Variants in NIPSNAP3A observed in about 807,000 individuals in gnomAD.
NIPSNAP3A encodes protein NipSnap homolog 3A.
Under a neutral mutation model 32.3 loss-of-function variants are expected in NIPSNAP3A, and 27 were observed. The observed-to-expected ratio is 0.84, with a 90% CI of 0.62 to 1.15. The LOEUF (loss-of-function observed/expected upper bound fraction) is 1.15. Ranked by LOEUF, NIPSNAP3A falls within the 50% of genes most tolerant of loss-of-function variation. The probability of loss-of-function intolerance (pLI) is 0.00; values close to 1 mark genes in which losing one functional copy is unlikely to be tolerated. For missense variants in NIPSNAP3A, 278 were observed against 297.2 expected (o/e 0.94, Z 0.48); for synonymous variants, 108 against 107.3 (o/e 1.01, Z -0.04).
In NIPSNAP3A at chr9:104,747,863, C is replaced by T; in HGVS notation, c.60+11C>T. ...ACGCTGGCGCCTCAGGTACCGGCCACGGGGGTACCCAAGCCTTCACCCGAC... is the reference window on the plus strand; with the variant it reads ...ACGCTGGCGCCTCAGGTACCGGCCATGGGGGTACCCAAGCCTTCACCCGAC... On this transcript the variant is annotated intron_variant, in intron 1 of 5. Transcript: ENST00000374767. 1 of 1,599,502 alleles carries T rather than the reference C, an allele frequency of 6.3e-7. No individual in the cohort carries two copies. The highest frequency in any genetic ancestry group is 1.7e-5 in the Admixed American group (1 of 59,298).
intron 4 of NIPSNAP3A, among the ~76,000 whole-genome samples, chr9:104,757,122 ATTAAGT>A (rs1451148545): frequency 6.6e-6 from 1 of 152,186 alleles, no homozygotes; most frequent in East Asian, 1.9e-4. Context: ...TACTGCACAT[ATTAAGT>A]TTTATTTTTT....
At chr9:104,754,094 G>A (rs1219214928) in intron 3 of NIPSNAP3A, 1 of 154,986 alleles carries the variant, frequency 6.5e-6, no homozygotes, top group African/African-American at 2.4e-5. Context: ...TGCTGTTCCT[G>A]TTAAAAATGG....
In NIPSNAP3A at chr9:104,750,962, T is replaced by C; in HGVS notation, c.67T>C (p.Ser23Pro). The change falls in exon 2 of 6, where the codon TCA becomes CCA. Residue 23 changes from serine to proline, a missense_variant. Physicochemically the swap from Ser to Pro is moderately conservative, Grantham distance 74. Coordinates refer to ENST00000374767, the MANE Select transcript of NIPSNAP3A (RefSeq NM_015469.3). ...ASRTLAPQMCSSFATGPRQYD... is the reference protein window; with the variant it reads ...ASRTLAPQMCPSFATGPRQYD... The stretch of plus-strand genomic sequence containing the variant: ...TTTGTCTTATCTTCTTCAGATGTGC[T>C]CATCTTTTGCTACGGGACCCAGACA... 4 of 1,610,932 alleles carry C rather than the reference T, an allele frequency of 2.5e-6. No individual in the cohort carries two copies. The highest frequency in any genetic ancestry group is 3.4e-6 in the Non-Finnish European group (4 of 1,177,076).
chr9:104,758,988 A>C (rs1196622315), intron 4 of NIPSNAP3A, 97 bp from the exon 5 acceptor site: 4 of 1,095,140 alleles, frequency 3.7e-6, no homozygotes, highest in Admixed American at 2.7e-5. Flanking sequence ...AAAAAAAAAA[A>C]AAAAAAAAGA....
At chr9:104,750,502 A>C (rs1827835086) in intron 1 of NIPSNAP3A, among the ~76,000 whole-genome samples, 1 of 152,208 alleles carries the variant, frequency 6.6e-6, no homozygotes, top group African/African-American at 2.4e-5. Flanking sequence ...CCCTTCAGCT[A>C]TGACAAGAAA....
Position 104,759,144 on chromosome 9 carries a change from C to A in NIPSNAP3A, c.640C>A (p.His214Asn). The A allele has an allele frequency of 6.2e-7, 1 of 1,613,490 alleles. No homozygotes were observed. The highest frequency in any genetic ancestry group is 1.7e-5 in the Admixed American group (1 of 59,940). Residue 214 changes from histidine (H) to asparagine (N), a missense_variant, in exon 5 of 6, where the codon CAT becomes AAT. Transcript: ENST00000374767. ...DSRAAGRHKS[H>N]EDPRVVAAVR... is the part of the protein sequence containing the mutation. The stretch of plus-strand genomic sequence containing the variant: ...TCGTGCAGCTGGGAGACATAAGTCC[C>A]ATGAGGATCCCAGAGTTGTGGCAGC...
chr9:104,759,134 A>G lies in NIPSNAP3A; in HGVS notation c.630A>G (p.Arg210=), dbSNP rs149973419. The part of the protein sequence containing the change: ...NESADSRAAG[R]HKSHEDPRVV... ...GTGCAGATAGTCGTGCAGCTGGGAG[A>G]CATAAGTCCCATGAGGATCCCAGAG... Residue 210 remains arginine, a synonymous_variant, in exon 5 of 6, where the codon AGA becomes AGG. Coordinates refer to ENST00000374767, the MANE Select transcript of NIPSNAP3A (RefSeq NM_015469.3). 1,619 of 1,613,476 alleles carry G rather than the reference A, an allele frequency of 1.0e-3. 14 individuals are homozygous for G. In the African/African-American group the frequency reaches 0.019, roughly 19 times the overall value.
chr9:104,759,661 A>T lies in NIPSNAP3A; in HGVS notation c.*323A>T, dbSNP rs1174550091. The T allele has an allele frequency of 1.3e-5, 3 of 239,848 alleles. No homozygotes were observed. In the East Asian group the frequency reaches 3.0e-4, roughly 24 times the overall value. 14.9% of individuals were successfully genotyped at this position (239,848 alleles called of 1,614,324 possible). On this transcript the variant is annotated 3_prime_UTR_variant, in exon 6 of 6. Coordinates refer to ENST00000374767, the MANE Select transcript of NIPSNAP3A (RefSeq NM_015469.3). ...TCTTTGCTTTATAGCATTTTGTTGT[A>T]TTCAAATGATAATGGTAGCATTTCC...
chr9:104,759,856 A>G lies in NIPSNAP3A; in HGVS notation c.*518A>G, dbSNP rs1175911742. On this transcript the variant is annotated 3_prime_UTR_variant, in exon 6 of 6. Coordinates refer to ENST00000374767, the MANE Select transcript of NIPSNAP3A (RefSeq NM_015469.3). ...CTTTACTATGGAAAACCACATTGTCATTTGTGACATCATCTATATTAAATA... is the reference window on the plus strand; with the variant it reads ...CTTTACTATGGAAAACCACATTGTCGTTTGTGACATCATCTATATTAAATA... The G allele has an allele frequency of 1.3e-5, 2 of 154,722 alleles. No homozygotes were observed. Among genetic ancestry groups the G allele is most frequent in the East Asian group, 1.9e-4 (1 of 5,232 alleles). 9.6% of individuals were successfully genotyped at this position (154,722 alleles called of 1,614,324 possible).
chr9:104,758,442 T>G (rs1190771285), intron 4 of NIPSNAP3A, among the ~76,000 whole-genome samples: 3 of 152,178 alleles, frequency 2.0e-5, no homozygotes, highest in Non-Finnish European at 4.4e-5. Context: ...TTTTTAAAAA[T>G]CAAGGGAAAA....
intron 4 of NIPSNAP3A, among the ~76,000 whole-genome samples, chr9:104,757,775 G>A (rs1216832385): frequency 6.6e-6 from 1 of 152,062 alleles, no homozygotes; most frequent in Non-Finnish European, 1.5e-5. Context: ...ATACAGGCCA[G>A]GCGTGGTGGT....
intron 1 of NIPSNAP3A, 118 bp downstream of exon 1, chr9:104,747,970 T>TG: frequency 2.1e-6 from 2 of 968,936 alleles, no homozygotes; most frequent in Non-Finnish European, 3.0e-6. Context: ...CGCCCAGACC[T>TG]GGGGCCCCGG....
At chr9:104,752,256 G>A (rs1827855813) in intron 2 of NIPSNAP3A, among the ~76,000 whole-genome samples, 1 of 152,118 alleles carries the variant, frequency 6.6e-6, no homozygotes, top group Admixed American at 6.5e-5. Context: ...AGAAAGAATG[G>A]ATGACAATAA....
At chr9:104,757,720 T>C (rs1224713383) in intron 4 of NIPSNAP3A, among the ~76,000 whole-genome samples, 1 of 152,102 alleles carries the variant, frequency 6.6e-6, no homozygotes, top group Non-Finnish European at 1.5e-5. Context: ...TAAGCAAATA[T>C]GCTTATATAT....
At chr9:104,757,308 C>T (rs10991371) in intron 4 of NIPSNAP3A, among the ~76,000 whole-genome samples, 1 of 152,018 alleles carries the variant, frequency 6.6e-6, no homozygotes, top group Non-Finnish European at 1.5e-5. Flanking sequence ...AACTTAAATT[C>T]TACTTTATAT....
chr9:104,755,322 A>AT (rs1827893947), intron 4 of NIPSNAP3A, among the ~76,000 whole-genome samples: 1 of 151,378 alleles, frequency 6.6e-6, no homozygotes, highest in Non-Finnish European at 1.5e-5. Context: ...ACTTTTATTG[A>AT]TTTTTTAAAA....
At chr9:104,755,937 C>T (rs996389005) in intron 4 of NIPSNAP3A, among the ~76,000 whole-genome samples, 2 of 151,562 alleles carry the variant, frequency 1.3e-5, no homozygotes, top group African/African-American at 4.8e-5. Flanking sequence ...AAAAAAGTAA[C>T]GAAGAAAGGA....
Position 104,754,720 on chromosome 9 carries a change from C to G in NIPSNAP3A, c.580+20C>G. On this transcript the variant is annotated intron_variant, in intron 4 of 5. Transcript: ENST00000374767. ...ACAGAGGTACAATTGTCCATTTCTT[C>G]TTATATGAAATTGTAATATATATTG... The G allele has an allele frequency of 6.2e-7, 1 of 1,601,500 alleles. No homozygotes were observed. Among genetic ancestry groups the G allele is most frequent in the Non-Finnish European group, 8.6e-7 (1 of 1,168,700 alleles).
intron 1 of NIPSNAP3A, 72 bp from the exon 2 acceptor site, chr9:104,750,884 C>A: frequency 8.3e-7 from 1 of 1,199,850 alleles, no homozygotes; most frequent in Non-Finnish European, 1.2e-6. Flanking sequence ...GTACCAGATT[C>A]AGATTAGGTT....
Sources: gnomAD v4.1 joint callset for allele counts (sites outside exome capture counted in the v4.1 genomes callset) on GRCh38, gnomAD v4.1.1 for gene constraint, MANE v1.5 for transcripts, NCBI Gene and HGNC (gene_info 2026-07-23, HGNC 2026-07-21) for gene names.